The following PHACTR1 variants were observed in gnomAD, a reference collection of about 807,000 sequenced individuals.
The protein encoded by PHACTR1 is RPEL repeat containing 1.
PHACTR1 carries 16 observed loss-of-function variants against 69.2 expected under a neutral mutation model. That is an observed-to-expected ratio of 0.23 (90% CI 0.16 to 0.35). PHACTR1 has a LOEUF of 0.35. Ranked by LOEUF, PHACTR1 falls within the 10% of genes least tolerant of loss-of-function variation. The pLI, the probability that PHACTR1 is intolerant of heterozygous loss-of-function variation, is 1.00. For synonymous variants in PHACTR1, 312 were observed against 284.5 expected, an observed-to-expected ratio of 1.10 and a Z score of -0.97; for missense variants, 510 against 734.7, an observed-to-expected ratio of 0.69 and a Z score of 3.54.
At chr6:13,251,217 C>T (rs1034837956) in intron 10 of PHACTR1, among the ~76,000 whole-genome samples, 3 of 152,106 alleles carry the variant, frequency 2.0e-5, no homozygotes, top group Non-Finnish European at 2.9e-5. Flanking sequence ...AGAGACACAT[C>T]GGGTGGGATG....
chr6:12,823,040 C>T (rs907341456), intron 4 of PHACTR1, among the ~76,000 whole-genome samples: 8 of 152,170 alleles, frequency 5.3e-5, no homozygotes, highest in Non-Finnish European at 1.2e-4. Flanking sequence ...TTAATAGGCA[C>T]CTTGGCTTCT....
chr6:12,857,109 G>C (rs1030153288), intron 4 of PHACTR1, among the ~76,000 whole-genome samples: 4 of 152,162 alleles, frequency 2.6e-5, no homozygotes, highest in Admixed American at 2.6e-4. Flanking sequence ...TCTTAATAAG[G>C]ACCTCTGTGT....
At chr6:12,734,982 C>G (rs1764040795) in intron 3 of PHACTR1, among the ~76,000 whole-genome samples, 2 of 152,104 alleles carry the variant, frequency 1.3e-5, no homozygotes, top group African/African-American at 4.8e-5. Flanking sequence ...ATCAAATTAC[C>G]CCAAAATTTA....
At position 13,263,094 on chromosome 6, in the gene PHACTR1, G is replaced by C. The variant is rs58682053; in HGVS notation, c.1392-9766G>C. Reference sequence around the variant, plus strand: ...GACCAACAAAACCTACAAGGGTTTTGTCACTTCTCTAGGGAGATGCTGTAA... The same window carrying C: ...GACCAACAAAACCTACAAGGGTTTTCTCACTTCTCTAGGGAGATGCTGTAA... On this transcript the variant is annotated intron_variant, in intron 10 of 14. Transcript: ENST00000332995. Among the ~76,000 whole-genome samples the C allele has an allele frequency of 7.8e-3, 1,185 of 152,280 alleles. 18 individuals carry two copies. Among genetic ancestry groups the C allele is most frequent in the African/African-American group, 0.026 (1,101 of 41,548 alleles).
intron 5 of PHACTR1, among the ~76,000 whole-genome samples, chr6:13,100,422 G>A (rs1026493512): frequency 2.6e-5 from 4 of 152,142 alleles, no homozygotes; most frequent in African/African-American, 7.2e-5. Flanking sequence ...ACAAAACTAC[G>A]AAGACACACC....
intron 4 of PHACTR1, among the ~76,000 whole-genome samples, chr6:12,768,300 G>C (rs1270191409): frequency 1.6e-4 from 25 of 151,974 alleles, no homozygotes; most frequent in Admixed American, 1.6e-3. Context: ...ATTTTTAGTA[G>C]AGACGGGGTT....
intron 8 of PHACTR1, among the ~76,000 whole-genome samples, chr6:13,207,769 A>T (rs999531310): frequency 6.6e-6 from 1 of 152,144 alleles, no homozygotes; most frequent in Non-Finnish European, 1.5e-5. Context: ...TGCTTGTCCC[A>T]TAGTAGTGGC....
At chr6:13,070,421 C>T (rs1245238868) in intron 5 of PHACTR1, among the ~76,000 whole-genome samples, 2 of 152,142 alleles carry the variant, frequency 1.3e-5, no homozygotes, top group Non-Finnish European at 2.9e-5. Context: ...CCCAGCAGTC[C>T]TCTGAGGCAG....
At chr6:13,142,176 A>G (rs908951344) in intron 5 of PHACTR1, among the ~76,000 whole-genome samples, 12 of 152,196 alleles carry the variant, frequency 7.9e-5, no homozygotes, top group African/African-American at 2.7e-4. Flanking sequence ...AATAGAAAAC[A>G]CAACTACTGT....
intron 4 of PHACTR1, among the ~76,000 whole-genome samples, chr6:12,786,707 G>C (rs1328095706): frequency 1.3e-5 from 2 of 152,178 alleles, no homozygotes; most frequent in African/African-American, 4.8e-5. Context: ...GCTCTTCAAG[G>C]TCCATCATCA....
intron 4 of PHACTR1, among the ~76,000 whole-genome samples, chr6:13,044,074 A>G (rs1367344708): frequency 6.6e-6 from 1 of 152,020 alleles, no homozygotes; most frequent in Non-Finnish European, 1.5e-5. Flanking sequence ...GTCTAACAAT[A>G]TAGAACCTGT....
At chr6:13,053,721 T>C (rs1261584426) in intron 5 of PHACTR1, among the ~76,000 whole-genome samples, 192 bp downstream of exon 5, 1 of 152,222 alleles carries the variant, frequency 6.6e-6, no homozygotes, top group African/African-American at 2.4e-5. Flanking sequence ...TTTTCTCCTA[T>C]CTCATGATTT....
chr6:13,133,277 C>T (rs1820826267), intron 5 of PHACTR1, among the ~76,000 whole-genome samples: 3 of 133,754 alleles, frequency 2.2e-5, no homozygotes, highest in Admixed American at 7.6e-5. Flanking sequence ...TCTCCCTCTC[C>T]CTCTTCCTCT....
Position 12,838,275 on chromosome 6 carries a change from C to A in PHACTR1, c.250+88485C>A, listed in dbSNP as rs1778355884. Among the ~76,000 whole-genome samples the A allele has an allele frequency of 2.0e-5, 3 of 152,182 alleles. No homozygotes were observed. The South Asian group carries it at 6.2e-4, about 32-fold the overall frequency. ...GGTATGAAAATCAGAAGGCAGGGAT[C>A]ACAGAAGCCAACCTGGAGCCTGGTT... On this transcript the variant is annotated intron_variant, in intron 4 of 14. Transcript: ENST00000332995.
At chr6:13,259,285 C>T (rs1161096261) in intron 10 of PHACTR1, among the ~76,000 whole-genome samples, 1 of 152,198 alleles carries the variant, frequency 6.6e-6, no homozygotes, top group Non-Finnish European at 1.5e-5. Flanking sequence ...GTTCACTGTG[C>T]AGGCTCTCAA....
chr6:12,935,996 C>T (rs1366213997), intron 4 of PHACTR1, among the ~76,000 whole-genome samples: 1 of 151,652 alleles, frequency 6.6e-6, no homozygotes, highest in Admixed American at 6.6e-5. Context: ...CCCTGCTCAC[C>T]TAGAGCTTTT....
chr6:12,836,327 T>C (rs959837549), intron 4 of PHACTR1, among the ~76,000 whole-genome samples: 1 of 152,194 alleles, frequency 6.6e-6, no homozygotes, highest in African/African-American at 2.4e-5. Context: ...TCTTTTTCCA[T>C]TGGGCAAGCA....
At chr6:12,857,745 G>A (rs1044429680) in intron 4 of PHACTR1, among the ~76,000 whole-genome samples, 1 of 152,156 alleles carries the variant, frequency 6.6e-6, no homozygotes, top group South Asian at 2.1e-4. Context: ...GCCTTGGACT[G>A]TACTTTTCAG....
At chr6:13,183,790 T>C (rs78660406) in intron 7 of PHACTR1, among the ~76,000 whole-genome samples, 157 of 152,318 alleles carry the variant, frequency 1.0e-3, no homozygotes, top group African/African-American at 3.6e-3. Flanking sequence ...CTTGTGACAC[T>C]GAAGTCAGAT....
Sources: gnomAD v4.1 joint callset for allele counts (sites outside exome capture counted in the v4.1 genomes callset) on GRCh38, gnomAD v4.1.1 for gene constraint, MANE v1.5 for transcripts, NCBI Gene and HGNC (gene_info 2026-07-23, HGNC 2026-07-21) for gene names.